DIAPH3: variants seen among roughly 807,000 people sequenced by gnomAD.
DIAPH3 encodes protein diaphanous homolog 3.
In DIAPH3, 117 loss-of-function variants were observed where a neutral mutation model predicts 144.3. That is an observed-to-expected ratio of 0.81 (90% CI 0.70 to 0.95). The LOEUF (loss-of-function observed/expected upper bound fraction) is 0.95. Among genes scored for constraint, DIAPH3 ranks in the 40% least tolerant of loss-of-function variants. The probability of loss-of-function intolerance (pLI) is 0.00; values close to 1 mark genes in which losing one functional copy is unlikely to be tolerated. For synonymous variants in DIAPH3, 519 were observed against 488.9 expected (o/e 1.06, Z -0.81); for missense variants, 1,421 against 1,412.7 (o/e 1.01, Z -0.09).
Position 59,774,179 on chromosome 13 carries a change from G to A in DIAPH3, c.3319+10C>T, listed in dbSNP as rs372237022. On this transcript the variant is annotated intron_variant, in intron 27 of 27. Coordinates refer to ENST00000400324, the MANE Select transcript of DIAPH3 (RefSeq NM_001042517.2). ...AGAAGAATGTGCAATTTATAAATAC[G>A]GTTTATTACCATGGTTACAAACTTT... 28 of 1,610,908 alleles carry A rather than the reference G, an allele frequency of 1.7e-5. No individual in the cohort carries two copies. Among genetic ancestry groups the A allele is most frequent in the Non-Finnish European group, 2.1e-5 (25 of 1,178,360 alleles).
At chr13:59,884,678 T>C (rs2045319011) in intron 20 of DIAPH3, among the ~76,000 whole-genome samples, 1 of 151,666 alleles carries the variant, frequency 6.6e-6, no homozygotes, top group Non-Finnish European at 1.5e-5. Context: ...TTGATTTTTC[T>C]AATGATATAA....
intron 24 of DIAPH3, among the ~76,000 whole-genome samples, chr13:59,824,885 C>CT (rs2041291319): frequency 6.6e-6 from 1 of 151,932 alleles, no homozygotes. Context: ...TTTTTCAGTA[C>CT]TTTAAAATCC....
At chr13:59,885,307 T>C (rs1291513401) in intron 20 of DIAPH3, among the ~76,000 whole-genome samples, 2 of 152,080 alleles carry the variant, frequency 1.3e-5, no homozygotes, top group Non-Finnish European at 2.9e-5. Context: ...AATTCATTCA[T>C]GCCCGCTTCC....
chr13:59,720,081 T>C (rs2035261432), intron 27 of DIAPH3, among the ~76,000 whole-genome samples: 1 of 152,172 alleles, frequency 6.6e-6, no homozygotes, highest in Admixed American at 6.5e-5. Flanking sequence ...TTATAGACTA[T>C]ACTTACATAA....
chr13:60,005,418 C>T (rs2052795054), intron 9 of DIAPH3, among the ~76,000 whole-genome samples: 3 of 152,122 alleles, frequency 2.0e-5, no homozygotes, highest in Non-Finnish European at 4.4e-5. Context: ...TGAAAATCTT[C>T]TAAAATTGAC....
chr13:60,115,637 T>C (rs892547059), intron 2 of DIAPH3, among the ~76,000 whole-genome samples: 1 of 152,190 alleles, frequency 6.6e-6, no homozygotes, highest in East Asian at 1.9e-4. Flanking sequence ...TTAGTTCATG[T>C]TTGTATGAAC....
intron 12 of DIAPH3, among the ~76,000 whole-genome samples, chr13:59,988,572 T>G (rs1247478062): frequency 6.6e-6 from 1 of 151,820 alleles, no homozygotes; most frequent in Non-Finnish European, 1.5e-5. Flanking sequence ...ACACAACATT[T>G]CTGGATTCCA....
intron 22 of DIAPH3, 157 bp downstream of exon 22, chr13:59,861,250 C>T: frequency 6.6e-7 from 1 of 1,523,524 alleles, no homozygotes; most frequent in Non-Finnish European, 8.8e-7. Flanking sequence ...ATCATGACAA[C>T]TCATAATATC....
intron 22 of DIAPH3, among the ~76,000 whole-genome samples, chr13:59,848,066 C>T (rs1255189818): frequency 2.0e-5 from 3 of 152,130 alleles, no homozygotes; most frequent in Non-Finnish European, 4.4e-5. Flanking sequence ...AAAATGCATT[C>T]GTTTTCCAAA....
chr13:59,687,181 C>T (rs76195040), intron 27 of DIAPH3, among the ~76,000 whole-genome samples: 6,428 of 152,144 alleles, frequency 0.042, 223 homozygotes, highest in South Asian at 0.1. Flanking sequence ...GTTAGGAAAA[C>T]ATTTATGGTA....
intron 25 of DIAPH3, among the ~76,000 whole-genome samples, chr13:59,789,798 G>A (rs960440969): frequency 6.6e-6 from 1 of 152,162 alleles, no homozygotes; most frequent in Admixed American, 6.5e-5. Context: ...TTTTTGAAAG[G>A]TGTGAAATAA....
At chr13:59,741,977 G>A (rs187667288) in intron 27 of DIAPH3, among the ~76,000 whole-genome samples, 1 of 152,228 alleles carries the variant, frequency 6.6e-6, no homozygotes, top group African/African-American at 2.4e-5. Context: ...AAAGGAAAGA[G>A]GTTTAATGGA....
chr13:59,725,557 G>A (rs914428006), intron 27 of DIAPH3, among the ~76,000 whole-genome samples: 4 of 151,968 alleles, frequency 2.6e-5, no homozygotes, highest in Admixed American at 2.0e-4. Flanking sequence ...TATTAGATTC[G>A]TCCAAGGCAC....
chr13:59,755,967 T>C (rs2037233704), intron 27 of DIAPH3, among the ~76,000 whole-genome samples: 1 of 152,182 alleles, frequency 6.6e-6, no homozygotes, highest in African/African-American at 2.4e-5. Context: ...ATAAAAAATA[T>C]GATATTAATC....
intron 1 of DIAPH3, among the ~76,000 whole-genome samples, chr13:60,163,378 C>A (rs575572654): frequency 3.0e-4 from 45 of 152,290 alleles, no homozygotes; most frequent in Middle Eastern, 3.4e-3. Flanking sequence ...TTCACATCAG[C>A]GTTAAGAAAT....
chr13:59,796,992 A>G (rs1159666576), intron 25 of DIAPH3, among the ~76,000 whole-genome samples: 1 of 152,168 alleles, frequency 6.6e-6, no homozygotes, highest in African/African-American at 2.4e-5. Context: ...CTGGCCTGCT[A>G]TTACTTAGCT....
chr13:59,822,973 T>C (rs566566651), intron 24 of DIAPH3, among the ~76,000 whole-genome samples: 120 of 152,302 alleles, frequency 7.9e-4, no homozygotes, highest in African/African-American at 2.8e-3. Context: ...CTTATTATTA[T>C]GTATTAGTTA....
intron 1 of DIAPH3, among the ~76,000 whole-genome samples, chr13:60,159,521 G>A (rs1370696709): frequency 4.6e-5 from 7 of 151,962 alleles, no homozygotes; most frequent in Non-Finnish European, 1.0e-4. Context: ...GTTACTAGAA[G>A]GCTGAGGCAG....
At chr13:59,984,693 C>T (rs2051275973) in intron 12 of DIAPH3, among the ~76,000 whole-genome samples, 1 of 144,044 alleles carries the variant, frequency 6.9e-6, no homozygotes, top group South Asian at 2.3e-4. Context: ...ACTACAAACA[C>T]CTCTACGCAA....
Sources: gnomAD v4.1 joint callset for allele counts (sites outside exome capture counted in the v4.1 genomes callset) on GRCh38, gnomAD v4.1.1 for gene constraint, MANE v1.5 for transcripts, NCBI Gene and HGNC (gene_info 2026-07-23, HGNC 2026-07-21) for gene names.